P2RX6: variants seen among roughly 807,000 people sequenced by gnomAD.
P2RX6 encodes the protein purinergic receptor P2X 6, also known as P2X purinoceptor 6.
A neutral mutation model predicts 54.2 loss-of-function variants in P2RX6; 62 were observed. That is an observed-to-expected ratio of 1.14 (90% confidence interval 0.93 to 1.41). P2RX6 has a LOEUF of 1.41. P2RX6 is among the 40% of genes most tolerant of loss of function. The pLI is 0.00. For missense variants in P2RX6, 541 were observed against 566.3 expected (o/e 0.96, Z 0.45); for synonymous variants, 211 against 231.9 (o/e 0.91, Z 0.82).
At chr22:21,012,504 C>A, upstream of P2RX6, 2 of 565,284 alleles carry the variant, frequency 3.5e-6, no homozygotes, top group Middle Eastern at 2.7e-4. Flanking sequence ...CGCCTGCCCA[C>A]CTGCCCCAGA....
chr22:21,018,173 G>C (rs768256316), intron 3 of P2RX6, 113 bp downstream of exon 3: 6 of 735,312 alleles, frequency 8.2e-6, no homozygotes, highest in South Asian at 7.4e-5. Context: ...GCCTGTGCTC[G>C]GTGTCCCCCA....
Position 21,022,724 on chromosome 22 carries a change from G to T in P2RX6, c.436G>T (p.Glu146Ter). The T allele has an allele frequency of 6.3e-7, 1 of 1,578,508 alleles. No homozygotes were observed. The highest frequency in any genetic ancestry group is 8.6e-7 in the Non-Finnish European group (1 of 1,163,336). Reference sequence around the variant, plus strand: ...CTGCTGGGTCGACGAGGACTGCCCCGAAGGGGAGGGAGGCACACACAGCCA... The same window carrying T: ...CTGCTGGGTCGACGAGGACTGCCCCTAAGGGGAGGGAGGCACACACAGCCA... ...ANCWVDEDCP[E>*]GEGGTHSHGV... Residue 146 changes from glutamate (E) to a stop codon, truncating the protein, a stop_gained, in exon 4 of 12, where the codon GAA becomes TAA. Transcript: ENST00000413302. LOFTEE classifies it high-confidence loss of function.
At position 21,023,201 on chromosome 22, in the gene P2RX6, A is replaced by G. The variant is rs1258374305; in HGVS notation, c.638+3A>G. On this transcript the variant is annotated splice_donor_region_variant and intron_variant, in intron 6 of 11. Transcript: ENST00000413302. ...TTCAGCAAGTTCAACTTCTCTAAGT[A>G]AGCAGAGTGGGTCTCATCTGCCCCA... is the stretch of plus-strand genomic sequence containing the variant. 3 of 1,613,882 alleles carry G rather than the reference A, an allele frequency of 1.9e-6. No individual in the cohort carries two copies. In the South Asian group the frequency reaches 3.3e-5, roughly 18 times the overall value.
At chr22:21,019,066 C>G (rs994783718) in intron 3 of P2RX6, among the ~76,000 whole-genome samples, 4 of 152,204 alleles carry the variant, frequency 2.6e-5, no homozygotes, top group Non-Finnish European at 2.9e-5. Flanking sequence ...GATCCTGCAT[C>G]TGTCACAGAG....
chr22:21,014,532 G>T (rs184525409), upstream of P2RX6, among the ~76,000 whole-genome samples: 203 of 152,256 alleles, frequency 1.3e-3, 2 homozygotes, highest in Admixed American at 3.1e-3. Flanking sequence ...TGCCTTCCTA[G>T]GGGGTTCCAG....
intron 3 of P2RX6, among the ~76,000 whole-genome samples, chr22:21,022,307 G>A (rs1227617891): frequency 6.6e-6 from 1 of 152,220 alleles, no homozygotes; most frequent in Non-Finnish European, 1.5e-5. Context: ...CCGGGAGGGC[G>A]AGGCTGTAGT....
At chr22:21,022,920 G>A in intron 4 of P2RX6, 22 bp from the exon 5 acceptor site, 1 of 1,599,880 alleles carries the variant, frequency 6.3e-7, no homozygotes, top group Non-Finnish European at 8.6e-7. Context: ...TGAAGGTCTG[G>A]AGTTCATCTT....
chr22:21,018,252 T>C, intron 3 of P2RX6, 192 bp downstream of exon 3: 1 of 585,522 alleles, frequency 1.7e-6, no homozygotes, highest in Non-Finnish European at 3.1e-6. Flanking sequence ...TGGTAGGAAG[T>C]CCTGTGATCC....
At chr22:21,025,763 G>T (rs1928319433) in intron 8 of P2RX6, 42 bp from the exon 9 acceptor site, 3 of 1,482,438 alleles carry the variant, frequency 2.0e-6, no homozygotes, top group Non-Finnish European at 2.8e-6. Flanking sequence ...CCACCTGGGG[G>T]TGGGCAAAGC....
intron 6 of P2RX6, 32 bp from the exon 7 acceptor site, chr22:21,023,243 C>G (rs772049029): frequency 1.2e-6 from 2 of 1,613,990 alleles, no homozygotes; most frequent in Non-Finnish European, 1.7e-6. Flanking sequence ...TCCTTGTCCC[C>G]TACCTCATCT....
rs771376175 is a variant in P2RX6, at chr22:21,023,559, G to A, written c.831G>A (p.Gly277=). 2 of 1,613,640 alleles carry A rather than the reference G, an allele frequency of 1.2e-6. No individual in the cohort carries two copies. The highest frequency in any genetic ancestry group is 1.7e-5 in the Admixed American group (1 of 59,968). Reference sequence around the variant, plus strand: ...ACTGGGATTGTGACCTGGACACCGGGGACTCTGGCTGCTGGCCTCACTACT... The same window carrying A: ...ACTGGGATTGTGACCTGGACACCGGAGACTCTGGCTGCTGGCCTCACTACT... ...RVHWDCDLDT[G]DSGCWPHYSF... Residue 277 remains glycine, a synonymous_variant, in exon 8 of 12, where the codon GGG becomes GGA. Coordinates refer to ENST00000413302, the MANE Select transcript of P2RX6 (RefSeq NM_005446.5).
chr22:21,018,153 T>G lies in P2RX6; in HGVS notation c.387+93T>G, dbSNP rs1392291247. 6.1e-6 allele frequency: 5 copies of G among 816,128 alleles called. No individual in the cohort carries two copies. In the African/African-American group the frequency reaches 8.5e-5, roughly 14 times the overall value. 50.6% of individuals were successfully genotyped at this position (816,128 alleles called of 1,614,324 possible). ...TTTCCCTTTCCCCTTCCCAGGTGGC[T>G]GAAGGCTCAGCCTGTGCTCGGTGTC... is the stretch of plus-strand genomic sequence containing the variant. On this transcript the variant is annotated intron_variant, in intron 3 of 11. Transcript: ENST00000413302.
intron 3 of P2RX6, among the ~76,000 whole-genome samples, chr22:21,019,919 G>A (rs1475491738): frequency 8.5e-5 from 13 of 152,226 alleles, no homozygotes; most frequent in Admixed American, 7.2e-4. Context: ...GCCTTTAAGC[G>A]GTTTTCCGCC....
At chr22:21,011,875 A>G (rs408288), upstream of P2RX6, among the ~76,000 whole-genome samples, 92,852 of 151,984 alleles carry the variant, frequency 0.61, 28,723 homozygotes, top group Admixed American at 0.71. Flanking sequence ...CCACCCCATC[A>G]ATGATTATGT....
chr22:21,011,642 C>G, upstream of P2RX6: 3 of 700,840 alleles, frequency 4.3e-6, no homozygotes, highest in South Asian at 3.0e-5. Flanking sequence ...CAGGTACCAC[C>G]CCCCTCCCCC....
chr22:21,024,872 T>C (rs1371248379), intron 8 of P2RX6, among the ~76,000 whole-genome samples: 1 of 89,250 alleles, frequency 1.1e-5, no homozygotes, highest in Non-Finnish European at 2.1e-5. Flanking sequence ...AGCCTGTTTT[T>C]TTTGTGTTTT....
chr22:21,023,301 C>T lies in P2RX6; in HGVS notation c.665C>T (p.Pro222Leu), dbSNP rs540550849. Residue 222 changes from proline (P) to leucine (L), a missense_variant, in exon 7 of 12, where the codon CCC becomes CTC. Around this residue, in one of 2 missense-constraint regions of P2RX6, gnomAD observed 526 missense variants for 531.5 expected, o/e 0.99. Transcript: ENST00000413302. ...SKSNALETWD[P>L]TYFKHCRYEP... Reference sequence around the variant, plus strand: ...TCCAATGCCTTGGAGACCTGGGACCCCACCTATTTTAAGCACTGCCGCTAT... The same window carrying T: ...TCCAATGCCTTGGAGACCTGGGACCTCACCTATTTTAAGCACTGCCGCTAT... 5 of 1,613,968 alleles carry T rather than the reference C, an allele frequency of 3.1e-6. No individual in the cohort carries two copies. The highest frequency in any genetic ancestry group is 2.7e-5 in the African/African-American group (2 of 75,042).
In P2RX6 at chr22:21,019,424, T is replaced by C. The variant is rs1379290757; in HGVS notation, c.387+1364T>C. On this transcript the variant is annotated intron_variant, in intron 3 of 11. Transcript: ENST00000413302. ...TCCGCCTCCTGGGTTCAAGCAGTTC[T>C]CCTGCTCACCCCCTGAGTAGCTGGG... is the stretch of plus-strand genomic sequence containing the variant. Among the ~76,000 whole-genome samples, 8 of 151,866 alleles carry C rather than the reference T, an allele frequency of 5.3e-5. No individual in the cohort carries two copies. In the South Asian group the frequency reaches 1.5e-3, roughly 28 times the overall value.
intron 8 of P2RX6, 140 bp from the exon 9 acceptor site, chr22:21,025,665 A>G: frequency 1.6e-6 from 1 of 634,178 alleles, no homozygotes; most frequent in African/African-American, 1.8e-5. Flanking sequence ...CTCACCAATT[A>G]CATAGGGCTG....
Sources: allele counts gnomAD v4.1 joint callset (sites outside exome capture counted in the v4.1 genomes callset), GRCh38; gene constraint gnomAD v4.1.1; regional missense constraint gnomAD v4.1.1; transcripts MANE v1.5; gene names NCBI Gene and HGNC (gene_info 2026-07-23, HGNC 2026-07-21).